Variants in PCDH15 observed in about 807,000 individuals in gnomAD.
PCDH15 encodes protocadherin-15.
In PCDH15, 129 loss-of-function variants were observed where a neutral mutation model predicts 178.5. The observed-to-expected ratio is 0.72, with a 90% CI of 0.63 to 0.84. The LOEUF is 0.84. PCDH15 is among the 40% of genes least tolerant of loss of function. The pLI, the probability that PCDH15 is intolerant of heterozygous loss-of-function variation, is 0.00. For missense variants in PCDH15, 2,230 were observed against 2,099.9 expected, an observed-to-expected ratio of 1.06 and a Z score of -1.21; for synonymous variants, 800 against 732.0, an observed-to-expected ratio of 1.09 and a Z score of -1.50.
At chr10:53,839,503 T>C (rs1287276789) in intron 29 of PCDH15, among the ~76,000 whole-genome samples, 4 of 152,066 alleles carry the variant, frequency 2.6e-5, no homozygotes, top group African/African-American at 7.2e-5. Context: ...AACTAAATTA[T>C]GATGTTTCAC....
At chr10:54,772,053 C>G (rs1296843541) in intron 1 of PCDH15, among the ~76,000 whole-genome samples, 1 of 152,106 alleles carries the variant, frequency 6.6e-6, no homozygotes, top group Non-Finnish European at 1.5e-5. Context: ...AAAAGCCACC[C>G]ATGAGTCCAC....
In PCDH15 at chr10:53,869,266, G is replaced by A. The variant is rs534878799; in HGVS notation, c.3502-2409C>T. On this transcript the variant is annotated intron_variant, in intron 26 of 37. Coordinates refer to ENST00000644397, the MANE Select transcript of PCDH15 (RefSeq NM_001384140.1). Reference sequence around the variant, plus strand: ...TTCTCACTTAAAGGAAAAAGAAAATGAACAAAGAAAGAAAAACAGTATCAA... The same window carrying A: ...TTCTCACTTAAAGGAAAAAGAAAATAAACAAAGAAAGAAAAACAGTATCAA... Among the ~76,000 whole-genome samples the A allele has an allele frequency of 9.4e-4, 143 of 152,186 alleles. 1 individual carries two copies. The highest frequency in any genetic ancestry group is 3.3e-3 in the African/African-American group (136 of 41,522).
chr10:54,486,034 T>G (rs969710053), intron 3 of PCDH15, among the ~76,000 whole-genome samples: 1 of 152,058 alleles, frequency 6.6e-6, no homozygotes, highest in African/African-American at 2.4e-5. Flanking sequence ...GGATGGAGTT[T>G]GCTGACTTTT....
intron 8 of PCDH15, among the ~76,000 whole-genome samples, chr10:54,238,501 A>G (rs957866074): frequency 6.6e-6 from 1 of 152,034 alleles, no homozygotes; most frequent in Admixed American, 6.6e-5. Context: ...GAAAATAAAG[A>G]GTTGTTGGTA....
At chr10:55,076,564 C>T (rs1013943251) in intron 2 of PCDH15, among the ~76,000 whole-genome samples, 2 of 151,516 alleles carry the variant, frequency 1.3e-5, no homozygotes, top group Non-Finnish European at 2.9e-5. Flanking sequence ...TGTGCCTCAG[C>T]CTCCAAAGTA....
chr10:53,839,415 A>C (rs1024530818), intron 29 of PCDH15, among the ~76,000 whole-genome samples: 1 of 152,050 alleles, frequency 6.6e-6, no homozygotes, highest in Admixed American at 6.6e-5. Context: ...ATAAATTTAC[A>C]TACACATAAT....
At chr10:55,482,911 GT>G (rs1840213225) in intron 2 of PCDH15, among the ~76,000 whole-genome samples, 1 of 151,686 alleles carries the variant, frequency 6.6e-6, no homozygotes, top group Non-Finnish European at 1.5e-5. Flanking sequence ...CCTTAAATAT[GT>G]TTTCCAACTT....
chr10:55,461,593 T>C (rs898308898), intron 2 of PCDH15, among the ~76,000 whole-genome samples: 1 of 152,104 alleles, frequency 6.6e-6, no homozygotes, highest in African/African-American at 2.4e-5. Flanking sequence ...AAACCATTCA[T>C]AGTTAACATT....
chr10:54,133,804 C>T (rs1421711517), intron 14 of PCDH15, among the ~76,000 whole-genome samples: 1 of 151,830 alleles, frequency 6.6e-6, no homozygotes, highest in East Asian at 1.9e-4. Flanking sequence ...TCAATGAGAT[C>T]TGAAAATACA....
chr10:54,673,478 G>C (rs1006328643), intron 1 of PCDH15, among the ~76,000 whole-genome samples: 1 of 152,058 alleles, frequency 6.6e-6, no homozygotes, highest in Admixed American at 6.6e-5. Context: ...TGCTCTTGTT[G>C]CCCAGGCTGG....
intron 2 of PCDH15, among the ~76,000 whole-genome samples, chr10:55,082,888 G>C (rs1444161601): frequency 1.3e-5 from 2 of 151,868 alleles, no homozygotes; most frequent in Non-Finnish European, 2.9e-5. Context: ...CAAGTAATGA[G>C]ATCAAAGCCA....
chr10:55,122,474 G>A (rs557988831), intron 2 of PCDH15, among the ~76,000 whole-genome samples: 2 of 152,184 alleles, frequency 1.3e-5, no homozygotes, highest in South Asian at 4.1e-4. Flanking sequence ...TCAAAGACTT[G>A]CTAAGTTTAA....
At chr10:54,384,370 CT>C (rs1179512509) in intron 3 of PCDH15, among the ~76,000 whole-genome samples, 8 of 149,910 alleles carry the variant, frequency 5.3e-5, no homozygotes, top group Non-Finnish European at 8.9e-5. Flanking sequence ...TGTGAAATTC[CT>C]TTTTTTAGTG....
intron 2 of PCDH15, among the ~76,000 whole-genome samples, chr10:54,957,719 C>G (rs1838525239): frequency 6.6e-6 from 1 of 151,520 alleles, no homozygotes; most frequent in African/African-American, 2.4e-5. Flanking sequence ...ATTTACATCT[C>G]CAACGTATCC....
At chr10:54,577,178 G>A (rs776471348) in intron 2 of PCDH15, among the ~76,000 whole-genome samples, 9 of 151,836 alleles carry the variant, frequency 5.9e-5, no homozygotes, top group Non-Finnish European at 1.2e-4. Context: ...TGCCTACTGG[G>A]TTCAAGTGAT....
chr10:54,733,786 T>C (rs9804374), intron 1 of PCDH15, among the ~76,000 whole-genome samples: 128,377 of 151,386 alleles, frequency 0.85, 55,182 homozygotes, highest in Non-Finnish European at 0.93. Flanking sequence ...AGAATATAAA[T>C]AGAACCACAC....
intron 2 of PCDH15, among the ~76,000 whole-genome samples, chr10:55,525,148 C>T (rs76287077): frequency 0.045 from 6,790 of 151,684 alleles, 411 homozygotes; most frequent in East Asian, 0.31. Context: ...TTGATCTTAG[C>T]GCACTGTTTA....
At chr10:55,592,656 T>A (rs574256412) in intron 2 of PCDH15, among the ~76,000 whole-genome samples, 1 of 152,264 alleles carries the variant, frequency 6.6e-6, no homozygotes, top group East Asian at 1.9e-4. Context: ...AATGCACACC[T>A]AAAATATCTA....
At chr10:55,587,396 A>C (rs1176846894) in intron 2 of PCDH15, among the ~76,000 whole-genome samples, 1 of 144,784 alleles carries the variant, frequency 6.9e-6, no homozygotes, top group Non-Finnish European at 1.5e-5. Flanking sequence ...TGTGTTCAGT[A>C]TTATTAGTAA....
Sources: gnomAD v4.1 joint callset for allele counts (sites outside exome capture counted in the v4.1 genomes callset) on GRCh38, gnomAD v4.1.1 for gene constraint, MANE v1.5 for transcripts, NCBI Gene and HGNC (gene_info 2026-07-23, HGNC 2026-07-21) for gene names.